The following LYZL2 variants were observed in gnomAD, a reference collection of about 807,000 sequenced individuals.
LYZL2 encodes the protein lysozyme-like protein 2.
In LYZL2, 13 loss-of-function variants were observed where a neutral mutation model predicts 17.1. The observed-to-expected ratio is 0.76, with a 90% confidence interval of 0.49 to 1.21. The LOEUF (loss-of-function observed/expected upper bound fraction) is 1.21, where lower values mean the gene tolerates loss of function less well. Among genes scored for constraint, LYZL2 ranks in the 50% most tolerant of loss-of-function variants. The probability of loss-of-function intolerance (pLI) is 0.00; values close to 1 mark genes in which losing one functional copy is unlikely to be tolerated. For missense variants in LYZL2, 166 were observed against 189.2 expected, an observed-to-expected ratio of 0.88 and a Z score of 0.72; for synonymous variants, 63 against 74.4, an observed-to-expected ratio of 0.85 and a Z score of 0.79.
At position 30,612,741 on chromosome 10, in the gene LYZL2, T is replaced by C. The variant is rs144535685; in HGVS notation, c.377+81A>G. Reference sequence around the variant, plus strand: ...GGACCACTCTGCGGAGGTGAGTTTGTCAATTCCACCATAACTGTGATAAAT... The same window carrying C: ...GGACCACTCTGCGGAGGTGAGTTTGCCAATTCCACCATAACTGTGATAAAT... On this transcript the variant is annotated intron_variant, in intron 4 of 4. Transcript: ENST00000647634. The C allele has an allele frequency of 1.0e-3, 1,162 of 1,126,352 alleles. 2 individuals carry two copies. Among genetic ancestry groups the C allele is most frequent in the Non-Finnish European group, 1.5e-3 (1,112 of 749,170 alleles). 69.8% of individuals were successfully genotyped at this position (1,126,352 alleles called of 1,614,324 possible).
intron 3 of LYZL2, among the ~76,000 whole-genome samples, chr10:30,621,887 T>A (rs1283226747): frequency 1.3e-5 from 2 of 152,146 alleles, no homozygotes; most frequent in Non-Finnish European, 2.9e-5. Flanking sequence ...AAAAATTTAT[T>A]TAAAAGACAA....
intron 1 of LYZL2, 51 bp downstream of exon 1, chr10:30,629,542 A>G (rs1371740527): frequency 1.4e-5 from 23 of 1,597,884 alleles, no homozygotes; most frequent in East Asian, 4.5e-5. Context: ...AGAACCTGCC[A>G]TTGCTGGTTC....
chr10:30,608,468 A>G (rs915646431), downstream of LYZL2, among the ~76,000 whole-genome samples: 2 of 152,182 alleles, frequency 1.3e-5, no homozygotes, highest in African/African-American at 4.8e-5. Context: ...GGTTTGTGCC[A>G]TATTTGAGAC....
intron 3 of LYZL2, among the ~76,000 whole-genome samples, chr10:30,618,177 G>T (rs1838564370): frequency 6.6e-6 from 1 of 152,014 alleles, no homozygotes; most frequent in South Asian, 2.1e-4. Context: ...AGTAAAAGAG[G>T]ATACAAACAA....
At chr10:30,619,836 A>C (rs1838592512) in intron 3 of LYZL2, among the ~76,000 whole-genome samples, 1 of 152,212 alleles carries the variant, frequency 6.6e-6, no homozygotes, top group African/African-American at 2.4e-5. Context: ...ATAATAAAAA[A>C]ATTAAAAAAA....
At chr10:30,624,021 G>A (rs141599525) in intron 3 of LYZL2, among the ~76,000 whole-genome samples, 16 of 152,148 alleles carry the variant, frequency 1.1e-4, no homozygotes, top group African/African-American at 3.6e-4. Flanking sequence ...CTCCCTCATC[G>A]AGTCCCTTGT....
chr10:30,620,572 C>T lies in LYZL2; in HGVS notation c.298+5533G>A, dbSNP rs146354739. ...ACAGGACCCGAGGACTCACAAGAGCCGTCAACACATACACTGTGTGTGTAT... is the reference window on the plus strand; with the variant it reads ...ACAGGACCCGAGGACTCACAAGAGCTGTCAACACATACACTGTGTGTGTAT... On this transcript the variant is annotated intron_variant, in intron 3 of 4. Transcript: ENST00000647634. Among the ~76,000 whole-genome samples the T allele has an allele frequency of 3.4e-3, 514 of 152,260 alleles. 2 individuals are homozygous for T. The highest frequency in any genetic ancestry group is 9.1e-3 in the South Asian group (44 of 4,820).
intron 1 of LYZL2, 81 bp from the exon 2 acceptor site, chr10:30,627,021 T>C: frequency 6.4e-7 from 1 of 1,554,708 alleles, no homozygotes; most frequent in Non-Finnish European, 8.7e-7. Context: ...TGCACAGCCC[T>C]GCCTAGATGC....
At chr10:30,622,018 A>G (rs1588676862) in intron 3 of LYZL2, among the ~76,000 whole-genome samples, 1 of 152,240 alleles carries the variant, frequency 6.6e-6, no homozygotes, top group South Asian at 2.1e-4. Context: ...TAAGAAACTC[A>G]TACGTTACAT....
intron 3 of LYZL2, among the ~76,000 whole-genome samples, chr10:30,615,830 C>T (rs556002060): frequency 7.2e-5 from 11 of 151,948 alleles, no homozygotes; most frequent in African/African-American, 2.7e-4. Context: ...TGTTTGACAG[C>T]ACAGATGGAA....
At chr10:30,628,575 A>T (rs1354636581) in intron 1 of LYZL2, among the ~76,000 whole-genome samples, 1 of 152,206 alleles carries the variant, frequency 6.6e-6, no homozygotes, top group East Asian at 1.9e-4. Flanking sequence ...GGATGGGGTG[A>T]AGTGAAATTT....
chr10:30,614,449 G>A (rs1229998257), intron 3 of LYZL2, among the ~76,000 whole-genome samples: 23 of 152,208 alleles, frequency 1.5e-4, no homozygotes, highest in Non-Finnish European at 2.6e-4. Flanking sequence ...CCGGAAGGGA[G>A]CAACCTGCAC....
chr10:30,627,029 T>C (rs1838724326), intron 1 of LYZL2, 89 bp from the exon 2 acceptor site: 17 of 1,546,932 alleles, frequency 1.1e-5, no homozygotes, highest in East Asian at 6.8e-5. Context: ...CCTGCCTAGA[T>C]GCTGCCTGTC....
In LYZL2 at chr10:30,626,103, A is replaced by C; in HGVS notation, c.298+2T>G. 6.2e-7 allele frequency: 1 copy of C among 1,613,484 alleles called. No homozygotes were observed. Among genetic ancestry groups the C allele is most frequent in the Non-Finnish European group, 8.5e-7 (1 of 1,179,614 alleles). Reference sequence around the variant, plus strand: ...GGCATCACTGGAAAGTCAGAGCCTCACCTGAGCAGGCGACGTGGCAGTGGT... The same window carrying C: ...GGCATCACTGGAAAGTCAGAGCCTCCCCTGAGCAGGCGACGTGGCAGTGGT... On this transcript the variant is annotated splice_donor_variant, in intron 3 of 4. Transcript: ENST00000647634. LOFTEE classifies it high-confidence loss of function.
chr10:30,606,426 C>T, the LYZL2 span, among the ~76,000 whole-genome samples: 1 of 146,788 alleles, frequency 6.8e-6, no homozygotes, highest in Non-Finnish European at 1.5e-5. Context: ...CATCATAGCT[C>T]ACTGTAGCCT....
intron 3 of LYZL2, among the ~76,000 whole-genome samples, chr10:30,614,694 G>A (rs2132936646): frequency 6.6e-6 from 1 of 152,238 alleles, no homozygotes; most frequent in East Asian, 1.9e-4. Flanking sequence ...AGGGCACAGA[G>A]AGGCAGGTTC....
chr10:30,608,265 A>G (rs993272999), downstream of LYZL2, among the ~76,000 whole-genome samples: 61 of 152,336 alleles, frequency 4.0e-4, no homozygotes, highest in African/African-American at 1.4e-3. Context: ...AAATCAAAAA[A>G]TGTAATTGGT....
chr10:30,618,509 A>G (rs915309578), intron 3 of LYZL2, among the ~76,000 whole-genome samples: 4 of 152,260 alleles, frequency 2.6e-5, no homozygotes, highest in African/African-American at 9.6e-5. Context: ...CAGAGCCCTC[A>G]GAAATAATAC....
intron 3 of LYZL2, among the ~76,000 whole-genome samples, chr10:30,621,863 CT>C (rs1012986946): frequency 4.3e-4 from 65 of 152,148 alleles, no homozygotes; most frequent in Admixed American, 3.6e-3. Flanking sequence ...TACTATAAAA[CT>C]TTTTTCTCAT....
Sources: allele counts gnomAD v4.1 joint callset (sites outside exome capture counted in the v4.1 genomes callset), GRCh38; gene constraint gnomAD v4.1.1; transcripts MANE v1.5; gene names NCBI Gene and HGNC (gene_info 2026-07-23, HGNC 2026-07-21).